LMX1B: variants seen among roughly 807,000 people sequenced by gnomAD.
The protein encoded by LMX1B is LIM homeobox transcription factor 1 beta, also known as LIM homeobox transcription factor 1-beta.
LMX1B carries 12 observed loss-of-function variants against 51.4 expected under a neutral mutation model. The observed-to-expected ratio is 0.23, with a 90% CI of 0.15 to 0.38. The LOEUF is 0.38. Ranked by LOEUF, LMX1B falls within the 10% of genes least tolerant of loss-of-function variation. The pLI, the probability that LMX1B is intolerant of heterozygous loss-of-function variation, is 1.00. For synonymous variants in LMX1B, 237 were observed against 235.4 expected (o/e 1.01, Z -0.06); for missense variants, 445 against 571.1 (o/e 0.78, Z 2.25).
Position 126,693,125 on chromosome 9 carries a change from G to T in LMX1B, c.560-17G>T. 1 of 1,557,038 alleles carries T rather than the reference G, an allele frequency of 6.4e-7. No homozygotes were observed. Among genetic ancestry groups the T allele is most frequent in the Non-Finnish European group, 8.7e-7 (1 of 1,150,526 alleles). ...GCCCCCGCCCCTTCATCACAGGCCG[G>T]GTTGTGTCCCCCACAGTGAAGAGCG... On this transcript the variant is annotated splice_polypyrimidine_tract_variant and intron_variant, in intron 3 of 7. Transcript: ENST00000373474.
chr9:126,615,303 G>A lies in LMX1B; in HGVS notation c.140-80G>A. 8.4e-7 allele frequency: 1 copy of A among 1,192,688 alleles called. No homozygotes were observed. The highest frequency in any genetic ancestry group is 1.1e-6 in the Non-Finnish European group (1 of 918,036). 73.9% of individuals were successfully genotyped at this position (1,192,688 alleles called of 1,614,324 possible). On this transcript the variant is annotated intron_variant, in intron 1 of 7. Transcript: ENST00000373474. This position sits in a 1 kb window ranked among gnomAD's most constrained non-coding sequence, Gnocchi z 6.0. The stretch of plus-strand genomic sequence containing the variant: ...GCGGCCCGAGCCCTCGGGGCCGAGG[G>A]CTGTGGGCCCGGTGCGACCGGGACG...
rs1200728101 is a variant in LMX1B at position 126,681,856 on chromosome 9, AC to A, written c.327-8979del. ...GCAGAGGTTGCAGTGAGCCAAGATC[AC>A]GCCACTGCACTCCAGCCTGGGCGAC... On this transcript the variant is annotated intron_variant, in intron 2 of 7. Coordinates refer to ENST00000373474, the MANE Select transcript of LMX1B (RefSeq NM_001174147.2). Among the ~76,000 whole-genome samples, 3 of 151,576 alleles carry A rather than the reference AC, an allele frequency of 2.0e-5. No individual in the cohort carries two copies. In the East Asian group the frequency reaches 5.8e-4, roughly 29 times the overall value.
Position 126,691,386 on chromosome 9 carries a change from A to G in LMX1B, c.559+318A>G, listed in dbSNP as rs911536991. ...CTACCCTGAGTATGGATACATGTAC[A>G]TGTATGTGGAGATATGTGTTCACAT... On this transcript the variant is annotated intron_variant, in intron 3 of 7. Transcript: ENST00000373474. 3.9e-5 allele frequency among the ~76,000 whole-genome samples: 6 copies of G among 152,306 alleles called. No individual in the cohort carries two copies. In the East Asian group the frequency reaches 5.8e-4, roughly 15 times the overall value.
At position 126,680,952 on chromosome 9, in the gene LMX1B, G is replaced by A. The variant is rs150282168; in HGVS notation, c.327-9884G>A. 3.0e-3 allele frequency among the ~76,000 whole-genome samples: 463 copies of A among 152,252 alleles called. 3 individuals carry two copies. Among genetic ancestry groups the A allele is most frequent in the Middle Eastern group, 0.01 (3 of 294 alleles). On this transcript the variant is annotated intron_variant, in intron 2 of 7. Coordinates refer to ENST00000373474, the MANE Select transcript of LMX1B (RefSeq NM_001174147.2). ...AACGATGCAGGGAAGGATGGTCAGA[G>A]GGATGTGATGCTCCACCTCCTACCT...
At chr9:126,645,812 G>A (rs1320894445) in intron 2 of LMX1B, among the ~76,000 whole-genome samples, 2 of 152,162 alleles carry the variant, frequency 1.3e-5, no homozygotes, top group African/African-American at 2.4e-5. Context: ...GAGTCCAAAG[G>A]GAGCCACAGG....
At position 126,618,368 on chromosome 9, in the gene LMX1B, G is replaced by T. The variant is rs1835342955; in HGVS notation, c.326+2799G>T. 6.6e-6 allele frequency among the ~76,000 whole-genome samples: 1 copy of T among 152,188 alleles called. No homozygotes were observed. The highest frequency in any genetic ancestry group is 2.1e-4 in the South Asian group (1 of 4,830). ...GTGCCAAGTTGTCTTACGCACCACGGGGGTGATTAATTGACACTGGGGCAC... is the reference window on the plus strand; with the variant it reads ...GTGCCAAGTTGTCTTACGCACCACGTGGGTGATTAATTGACACTGGGGCAC... On this transcript the variant is annotated intron_variant, in intron 2 of 7. Transcript: ENST00000373474. This position sits in a 1 kb window ranked among gnomAD's most constrained non-coding sequence, Gnocchi z 4.5.
chr9:126,646,596 C>A (rs1835907594), intron 2 of LMX1B, among the ~76,000 whole-genome samples: 1 of 152,228 alleles, frequency 6.6e-6, no homozygotes, highest in African/African-American at 2.4e-5. Context: ...CAGCCTGCCC[C>A]TCTCCCGTGG....
At chr9:126,648,096 C>G (rs1464709337) in intron 2 of LMX1B, among the ~76,000 whole-genome samples, 3 of 152,194 alleles carry the variant, frequency 2.0e-5, no homozygotes, top group African/African-American at 7.2e-5. Context: ...TTCATAACTC[C>G]CAGTAATGAC....
chr9:126,692,734 T>C (rs1049692472), intron 3 of LMX1B, among the ~76,000 whole-genome samples: 2 of 152,254 alleles, frequency 1.3e-5, no homozygotes, highest in Admixed American at 6.5e-5. Context: ...CACACAGCCA[T>C]GTGCACAACC....
chr9:126,667,934 TCAG>T (rs1283765296), intron 2 of LMX1B, among the ~76,000 whole-genome samples: 6 of 152,324 alleles, frequency 3.9e-5, no homozygotes, highest in Middle Eastern at 6.8e-3. Flanking sequence ...TTGTTTGTTT[TCAG>T]CTGAGTGGTA....
In LMX1B at chr9:126,677,163, A is replaced by C. The variant is rs1327577291; in HGVS notation, c.327-13673A>C. On this transcript the variant is annotated intron_variant, in intron 2 of 7. Coordinates refer to ENST00000373474, the MANE Select transcript of LMX1B (RefSeq NM_001174147.2). The surrounding 1 kb of genome is among the most constrained non-coding windows in gnomAD (Gnocchi z 5.0). ...CTTTGCCCGTCCCCAGCCAGAGCGC[A>C]GGAGACCCAGGGATGTGGTCCCCCA... Among the ~76,000 whole-genome samples, 7 of 152,208 alleles carry C rather than the reference A, an allele frequency of 4.6e-5. No individual in the cohort carries two copies. The highest frequency in any genetic ancestry group is 1.7e-4 in the African/African-American group (7 of 41,458).
chr9:126,635,289 G>A (rs980609456), intron 2 of LMX1B, among the ~76,000 whole-genome samples: 13 of 152,224 alleles, frequency 8.5e-5, no homozygotes, highest in Non-Finnish European at 1.5e-4. Context: ...GAGCAGGCCC[G>A]GGGCTTACAC....
rs868218996 is a variant in LMX1B at position 126,645,583 on chromosome 9, G to A, written c.326+30014G>A. 2.6e-5 allele frequency among the ~76,000 whole-genome samples: 4 copies of A among 152,214 alleles called. 1 individual carries two copies. In the South Asian group the frequency reaches 8.3e-4, roughly 32 times the overall value. On this transcript the variant is annotated intron_variant, in intron 2 of 7. Coordinates refer to ENST00000373474, the MANE Select transcript of LMX1B (RefSeq NM_001174147.2). Reference sequence around the variant, plus strand: ...CACATAGGGCAGCCTGCTGGGGGAAGATCCTCGGAGGAGAAGTCAACAGTG... The same window carrying A: ...CACATAGGGCAGCCTGCTGGGGGAAAATCCTCGGAGGAGAAGTCAACAGTG...
rs201585443 is a variant in LMX1B at position 126,652,004 on chromosome 9, G to GA, written c.326+36435_326+36436insA. On this transcript the variant is annotated intron_variant, in intron 2 of 7. Transcript: ENST00000373474. ...AGCCTCGGTAGTGGCCAGAGATGGG[G>GA]GGGGGCCTGCCTGCGGTGGGATACT... Among the ~76,000 whole-genome samples, 612 of 152,030 alleles carry GA rather than the reference G, an allele frequency of 4.0e-3. 4 individuals are homozygous for GA. The highest frequency in any genetic ancestry group is 0.014 in the African/African-American group (589 of 41,476).
chr9:126,627,745 G>A (rs1835562157), intron 2 of LMX1B, among the ~76,000 whole-genome samples: 1 of 152,146 alleles, frequency 6.6e-6, no homozygotes, highest in South Asian at 2.1e-4. Context: ...CCCAGCTAAA[G>A]GGCTCTTCAG....
Position 126,690,967 on chromosome 9 carries a change from G to A in LMX1B, c.458G>A (p.Gly153Asp). The A allele has an allele frequency of 1.2e-6, 2 of 1,614,116 alleles. No individual in the cohort carries two copies. The highest frequency in any genetic ancestry group is 1.7e-6 in the Non-Finnish European group (2 of 1,179,986). ...CCVCERQLRK[G>D]DEFVLKEGQL... The stretch of plus-strand genomic sequence containing the variant: ...GTGTGTGAACGGCAGCTACGCAAGG[G>A]CGACGAATTCGTGCTCAAGGAGGGC... The change falls in exon 3 of 8, where the codon GGC becomes GAC. Residue 153 changes from glycine to aspartate, a missense_variant. This residue lies in a region of LMX1B where 273 missense variants were observed against 343.3 expected (regional missense o/e 0.80). Transcript: ENST00000373474.
At position 126,615,227 on chromosome 9, in the gene LMX1B, G is replaced by A. The variant is rs1032929575; in HGVS notation, c.140-156G>A. Among the ~76,000 whole-genome samples the A allele has an allele frequency of 7.3e-5, 11 of 151,602 alleles. No homozygotes were observed. Among genetic ancestry groups the A allele is most frequent in the Admixed American group, 2.0e-4 (3 of 15,256 alleles). The stretch of plus-strand genomic sequence containing the variant: ...TGGGACGGACTAGCCGGGGCCGCCC[G>A]GCCCCTGGCGCGGCGGTCCGGGGAG... On this transcript the variant is annotated intron_variant, in intron 1 of 7. Coordinates refer to ENST00000373474, the MANE Select transcript of LMX1B (RefSeq NM_001174147.2). The surrounding 1 kb of genome is among the most constrained non-coding windows in gnomAD (Gnocchi z 6.0).
chr9:126,645,263 C>T (rs955832784), intron 2 of LMX1B, among the ~76,000 whole-genome samples: 4 of 151,870 alleles, frequency 2.6e-5, no homozygotes, highest in Non-Finnish European at 4.4e-5. Flanking sequence ...CTGGCAGACC[C>T]GTTCACTGGC....
chr9:126,671,219 G>C lies in LMX1B; in HGVS notation c.327-19617G>C, dbSNP rs1191348659. Among the ~76,000 whole-genome samples, 1 of 152,216 alleles carries C rather than the reference G, an allele frequency of 6.6e-6. No individual in the cohort carries two copies. The highest frequency in any genetic ancestry group is 2.4e-5 in the African/African-American group (1 of 41,454). ...TTCGCCACCGCCGAGCTCTGAGCTG[G>C]GGGGAGGGGACCCCGCTCGGAAATC... On this transcript the variant is annotated intron_variant, in intron 2 of 7. Coordinates refer to ENST00000373474, the MANE Select transcript of LMX1B (RefSeq NM_001174147.2). This position sits in a 1 kb window ranked among gnomAD's most constrained non-coding sequence, Gnocchi z 4.4.
Sources: gnomAD v4.1 joint callset for allele counts (sites outside exome capture counted in the v4.1 genomes callset) on GRCh38, gnomAD v4.1.1 for gene constraint, gnomAD v4.1.1 regional missense constraint, Gnocchi (gnomAD v3.1) non-coding constraint, MANE v1.5 for transcripts, NCBI Gene and HGNC (gene_info 2026-07-23, HGNC 2026-07-21) for gene names.